NSMCE1: variants seen among roughly 807,000 people sequenced by gnomAD.
NSMCE1 encodes the protein non-structural maintenance of chromosomes element 1 homolog.
In NSMCE1, 18 loss-of-function variants were observed where a neutral mutation model predicts 29.6. The observed-to-expected ratio is 0.61, with a 90% CI of 0.42 to 0.90. The LOEUF (loss-of-function observed/expected upper bound fraction) is 0.90. NSMCE1 is among the 40% of genes least tolerant of loss of function. The probability of loss-of-function intolerance (pLI) is 0.00; values close to 1 mark genes in which losing one functional copy is unlikely to be tolerated. For missense variants in NSMCE1, 314 were observed against 343.6 expected (o/e 0.91, Z 0.68); for synonymous variants, 124 against 133.4 (o/e 0.93, Z 0.49).
chr16:27,241,999 A>G (rs1228610193), intron 2 of NSMCE1: 6 of 342,318 alleles, frequency 1.8e-5, no homozygotes, highest in Non-Finnish European at 3.6e-5. Context: ...AAATTCTTAC[A>G]TATACATGCA....
In NSMCE1 at chr16:27,232,939, G is replaced by A. The variant is rs2083777406; in HGVS notation, c.483+62C>T. 1 of 1,570,416 alleles carries A rather than the reference G, an allele frequency of 6.4e-7. No individual in the cohort carries two copies. ...ATCAGTTGGCTACAAGTACGATTTT[G>A]GAGAAAAAACTGTTATTCACTTGAA... On this transcript the variant is annotated intron_variant, in intron 5 of 7. Transcript: ENST00000361439. This position sits in a 1 kb window ranked among gnomAD's most constrained non-coding sequence, Gnocchi z 4.5.
intron 7 of NSMCE1, 109 bp from the exon 8 acceptor site, chr16:27,225,345 C>G (rs1200845991): frequency 2.8e-6 from 2 of 707,002 alleles, no homozygotes; most frequent in East Asian, 2.7e-5. Context: ...TGTCCTAGGT[C>G]TACACCATCC....
chr16:27,253,353 T>A (rs1003286086), intron 2 of NSMCE1, among the ~76,000 whole-genome samples: 2 of 152,176 alleles, frequency 1.3e-5, no homozygotes, highest in African/African-American at 4.8e-5. Context: ...AGAATTAAAC[T>A]GAATTATGGA....
intron 7 of NSMCE1, among the ~76,000 whole-genome samples, chr16:27,225,514 A>C (rs2083679478): frequency 6.6e-6 from 1 of 152,224 alleles, no homozygotes; most frequent in South Asian, 2.1e-4. Context: ...TACACGTTGG[A>C]ATTTCAGCTG....
intron 1 of NSMCE1, among the ~76,000 whole-genome samples, chr16:27,262,243 CAAAA>C (rs34046376): frequency 1.6e-4 from 20 of 125,926 alleles, no homozygotes; most frequent in Admixed American, 1.4e-3. Flanking sequence ...GACTTCATCT[CAAAA>C]AAAAAAAAAA....
intron 2 of NSMCE1, among the ~76,000 whole-genome samples, chr16:27,246,699 A>G (rs1027126007): frequency 1.5e-4 from 23 of 152,138 alleles, no homozygotes; most frequent in African/African-American, 5.6e-4. Flanking sequence ...CATGTTGCCC[A>G]GGTTTGTCTC....
At chr16:27,264,900 G>C (rs1286711723) in intron 1 of NSMCE1, among the ~76,000 whole-genome samples, 1 of 152,066 alleles carries the variant, frequency 6.6e-6, no homozygotes, top group Non-Finnish European at 1.5e-5. Context: ...TTCATATTCA[G>C]ACTATATAAG....
chr16:27,259,994 G>A (rs1209244118), intron 1 of NSMCE1, among the ~76,000 whole-genome samples: 5 of 152,100 alleles, frequency 3.3e-5, no homozygotes, highest in Non-Finnish European at 7.4e-5. Flanking sequence ...GTGACCAGCA[G>A]GTGCTCCCTA....
intron 5 of NSMCE1, among the ~76,000 whole-genome samples, chr16:27,228,013 G>A (rs1483296153): frequency 6.6e-6 from 1 of 152,066 alleles, no homozygotes; most frequent in Non-Finnish European, 1.5e-5. Flanking sequence ...TTGAACTCCC[G>A]ACCTCAGGTG....
chr16:27,229,183 G>A (rs1293219187), intron 5 of NSMCE1, among the ~76,000 whole-genome samples: 2 of 152,222 alleles, frequency 1.3e-5, no homozygotes, highest in African/African-American at 2.4e-5. Flanking sequence ...GCTGGCCACA[G>A]GGCCACTGCC....
intron 2 of NSMCE1, among the ~76,000 whole-genome samples, chr16:27,240,469 C>A (rs1278443131): frequency 6.6e-6 from 1 of 152,122 alleles, no homozygotes; most frequent in Non-Finnish European, 1.5e-5. Context: ...TCCCCTCAAC[C>A]CAGCCCACCC....
chr16:27,262,040 A>T (rs2141011693), intron 1 of NSMCE1, among the ~76,000 whole-genome samples: 1 of 152,236 alleles, frequency 6.6e-6, no homozygotes, highest in East Asian at 1.9e-4. Context: ...GTCAGGAGTT[A>T]AGAGGCTAGC....
intron 7 of NSMCE1, 69 bp downstream of exon 7, chr16:27,225,657 C>T (rs2083681288): frequency 8.2e-6 from 13 of 1,594,138 alleles, no homozygotes; most frequent in Non-Finnish European, 1.0e-5. Context: ...TCTCCAAGGG[C>T]TTCCCTGGCA....
At chr16:27,263,158 G>C (rs963499107) in intron 1 of NSMCE1, among the ~76,000 whole-genome samples, 1 of 152,186 alleles carries the variant, frequency 6.6e-6, no homozygotes, top group African/African-American at 2.4e-5. Context: ...AGAGCTAAAA[G>C]CAGAACTACC....
Position 27,235,311 on chromosome 16 carries a change from CAG to C in NSMCE1, c.137-14_137-13del. On this transcript the variant is annotated splice_polypyrimidine_tract_variant and intron_variant, in intron 2 of 7. Transcript: ENST00000361439. ...TACGGTGGCATTGCCTGGAAATAAA[CAG>C]ACCAAAAAAAGGGGGGTGACCAGGG... The C allele has an allele frequency of 6.2e-7, 1 of 1,609,738 alleles. No homozygotes were observed. The highest frequency in any genetic ancestry group is 8.5e-7 in the Non-Finnish European group (1 of 1,179,068).
intron 2 of NSMCE1, among the ~76,000 whole-genome samples, chr16:27,243,070 G>A (rs1383228183): frequency 1.3e-5 from 2 of 152,238 alleles, no homozygotes; most frequent in Admixed American, 6.5e-5. Context: ...CAGGGAGCTG[G>A]CGGCACGCAT....
At chr16:27,246,262 C>T (rs11860191) in intron 2 of NSMCE1, among the ~76,000 whole-genome samples, 47,254 of 152,080 alleles carry the variant, frequency 0.31, 9,082 homozygotes, top group African/African-American at 0.52. Context: ...TATTTCTAAA[C>T]CTAAATTTTT....
chr16:27,263,078 A>C (rs2084178975), intron 1 of NSMCE1, among the ~76,000 whole-genome samples: 1 of 152,208 alleles, frequency 6.6e-6, no homozygotes, highest in East Asian at 1.9e-4. Flanking sequence ...AGAAAAGGGA[A>C]ACTTATATAC....
chr16:27,260,085 A>C (rs1443887874), intron 1 of NSMCE1, among the ~76,000 whole-genome samples: 1 of 152,256 alleles, frequency 6.6e-6, no homozygotes, highest in African/African-American at 2.4e-5. Context: ...TAGAATAAAG[A>C]GCAAAAAAAG....
Sources: gnomAD v4.1 joint callset for allele counts (sites outside exome capture counted in the v4.1 genomes callset) on GRCh38, gnomAD v4.1.1 for gene constraint, Gnocchi (gnomAD v3.1) non-coding constraint, MANE v1.5 for transcripts, NCBI Gene and HGNC (gene_info 2026-07-23, HGNC 2026-07-21) for gene names.